Variants in DOCK1 observed in about 807,000 individuals in gnomAD.
The protein encoded by DOCK1 is dedicator of cytokinesis 1, also known as dedicator of cytokinesis protein 1.
In DOCK1, 138 loss-of-function variants were observed where a neutral mutation model predicts 262.7. The observed-to-expected ratio is 0.53, with a 90% CI of 0.46 to 0.61. The LOEUF (loss-of-function observed/expected upper bound fraction) is 0.61. Among genes scored for constraint, DOCK1 ranks in the 20% least tolerant of loss-of-function variants. The probability of loss-of-function intolerance (pLI) is 0.00; values close to 1 mark genes in which losing one functional copy is unlikely to be tolerated. For missense variants in DOCK1, 1,908 were observed against 2,370.7 expected, an observed-to-expected ratio of 0.80 and a Z score of 4.05; for synonymous variants, 866 against 867.4, an observed-to-expected ratio of 1.00 and a Z score of 0.03.
At chr10:127,331,877 C>T (rs868700648) in intron 29 of DOCK1, among the ~76,000 whole-genome samples, 5 of 152,278 alleles carry the variant, frequency 3.3e-5, no homozygotes, top group Middle Eastern at 6.8e-3. Context: ...ATTCATACCC[C>T]GCAAGACTTG....
At chr10:126,971,915 AT>A (rs909105977) in intron 2 of DOCK1, among the ~76,000 whole-genome samples, 3 of 150,034 alleles carry the variant, frequency 2.0e-5, no homozygotes, top group Admixed American at 6.7e-5. Flanking sequence ...ATGAAGCAAT[AT>A]TTTTTTTTGT....
intron 22 of DOCK1, among the ~76,000 whole-genome samples, chr10:127,053,586 G>A (rs1440455098): frequency 6.6e-6 from 1 of 152,186 alleles, no homozygotes; most frequent in Non-Finnish European, 1.5e-5. Context: ...AAAGTAAATC[G>A]AAGGGTTAAA....
At chr10:127,075,301 TCTCA>T (rs1269555839) in intron 23 of DOCK1, among the ~76,000 whole-genome samples, 1 of 151,428 alleles carries the variant, frequency 6.6e-6, no homozygotes, top group East Asian at 2.0e-4. Context: ...TGAGACCGAG[TCTCA>T]CTGTCACTTA....
At chr10:126,909,395 TG>T (rs1259397114) in intron 1 of DOCK1, among the ~76,000 whole-genome samples, 1 of 152,194 alleles carries the variant, frequency 6.6e-6, no homozygotes, top group Admixed American at 6.5e-5. Flanking sequence ...GTGTGGCCTG[TG>T]GAACTGAGAT....
intron 48 of DOCK1, among the ~76,000 whole-genome samples, chr10:127,436,923 G>A (rs1391154712): frequency 6.6e-6 from 1 of 151,862 alleles, no homozygotes; most frequent in East Asian, 1.9e-4. Context: ...ATCTCTTTAA[G>A]TCTCTTTTAG....
intron 23 of DOCK1, among the ~76,000 whole-genome samples, chr10:127,093,242 C>CTTTTCTTTTCTTTCTTTCTTTCTT (rs2047679021): frequency 3.8e-5 from 3 of 79,340 alleles, no homozygotes; most frequent in African/African-American, 2.0e-4. Context: ...TTTCTTTCTT[C>CTTTTCTTTTCTTTCTTTCTTTCTT]TTTTTTTTTT....
chr10:127,137,348 T>G (rs1366010859), intron 27 of DOCK1: 1 of 153,236 alleles, frequency 6.5e-6, no homozygotes, highest in Non-Finnish European at 1.5e-5. Context: ...CTCCGGAATT[T>G]GATGTGCTGA....
intron 35 of DOCK1, among the ~76,000 whole-genome samples, chr10:127,376,475 G>C (rs908188853): frequency 6.6e-6 from 1 of 152,220 alleles, no homozygotes; most frequent in African/African-American, 2.4e-5. Flanking sequence ...TGGTACAGCA[G>C]CAAGCTCTGC....
chr10:126,963,625 CTTCCCTTCCCTTCCCTCCTTCCTTCCT>C (rs1266400672), intron 1 of DOCK1, among the ~76,000 whole-genome samples: 3 of 68,884 alleles, frequency 4.4e-5, no homozygotes, highest in African/African-American at 2.6e-4. Flanking sequence ...CTTCCCTTCC[CTTCCCTTCCCTTCCCTCCTTCCTTCCT>C]TCCTTCCTTC....
chr10:127,032,642 C>T (rs540438306), intron 18 of DOCK1, among the ~76,000 whole-genome samples: 4 of 151,846 alleles, frequency 2.6e-5, no homozygotes, highest in African/African-American at 9.7e-5. Flanking sequence ...CAGCCTTGTC[C>T]TCCTAGGCTC....
chr10:127,296,434 C>T (rs2061506915), intron 29 of DOCK1, among the ~76,000 whole-genome samples: 1 of 152,162 alleles, frequency 6.6e-6, no homozygotes, highest in Admixed American at 6.5e-5. Flanking sequence ...GTCTGTTTTG[C>T]ATAAAAGAAG....
intron 43 of DOCK1, 100 bp downstream of exon 43, chr10:127,411,024 A>G: frequency 8.6e-7 from 1 of 1,168,726 alleles, no homozygotes. Context: ...GCAGCCACGG[A>G]GCCATATTAA....
intron 27 of DOCK1, among the ~76,000 whole-genome samples, chr10:127,182,051 A>C (rs1489831111): frequency 6.6e-6 from 1 of 152,174 alleles, no homozygotes; most frequent in East Asian, 1.9e-4. Flanking sequence ...TGTGTGACTG[A>C]GCAATGCGTG....
At chr10:127,068,800 T>TAC (rs142740686) in intron 23 of DOCK1, among the ~76,000 whole-genome samples, 1,881 of 151,730 alleles carry the variant, frequency 0.012, 17 homozygotes, top group Non-Finnish European at 0.016. Flanking sequence ...CTCATGTGTA[T>TAC]ACACACACAC....
Position 127,032,323 on chromosome 10 carries a change from G to A in DOCK1, c.1912+3G>A, listed in dbSNP as rs1591748324. The A allele has an allele frequency of 3.3e-6, 5 of 1,525,716 alleles. No homozygotes were observed. In the East Asian group the frequency reaches 9.4e-5, roughly 29 times the overall value. 94.5% of individuals were successfully genotyped at this position (1,525,716 alleles called of 1,614,324 possible). A position where few individuals can be genotyped will look rare whatever the true frequency, so the allele number is the denominator to read the frequency against. ...CTCCACCAAACTGACTCAGAACGGT[G>A]CGTTCGAGAGGAGAAACACACTCAC... On this transcript the variant is annotated splice_donor_region_variant and intron_variant, in intron 18 of 51. Transcript: ENST00000623213.
chr10:127,165,381 T>G (rs1475501461), intron 27 of DOCK1, among the ~76,000 whole-genome samples: 1 of 152,198 alleles, frequency 6.6e-6, no homozygotes. Flanking sequence ...TCTTGAAATT[T>G]TGGTGTGATC....
chr10:127,361,905 A>G (rs778937512), intron 32 of DOCK1, among the ~76,000 whole-genome samples, 159 bp from the exon 33 acceptor site: 2 of 152,240 alleles, frequency 1.3e-5, no homozygotes, highest in Admixed American at 1.3e-4. Context: ...TGGCTGGGAA[A>G]GTTCAAAATC....
chr10:127,066,129 G>T lies in DOCK1; in HGVS notation c.2445+4353G>T, dbSNP rs112820089. The stretch of plus-strand genomic sequence containing the variant: ...TTTCTCTCTCCTACCTGACAAGAGG[G>T]TCCTTGGCCCCATTGCCTCTGCCCT... On this transcript the variant is annotated intron_variant, in intron 23 of 51. Coordinates refer to ENST00000623213, the MANE Select transcript of DOCK1 (RefSeq NM_001290223.2). 4.8e-3 allele frequency among the ~76,000 whole-genome samples: 731 copies of T among 152,224 alleles called. 4 individuals are homozygous for T. The highest frequency in any genetic ancestry group is 0.017 in the African/African-American group (688 of 41,542).
chr10:127,298,013 G>A (rs1417733903), intron 29 of DOCK1, among the ~76,000 whole-genome samples: 6 of 152,052 alleles, frequency 3.9e-5, no homozygotes, highest in Non-Finnish European at 8.8e-5. Flanking sequence ...ACATAATATT[G>A]GAAAAGCAAT....
Sources: allele counts gnomAD v4.1 joint callset (sites outside exome capture counted in the v4.1 genomes callset), GRCh38; gene constraint gnomAD v4.1.1; transcripts MANE v1.5; gene names NCBI Gene and HGNC (gene_info 2026-07-23, HGNC 2026-07-21).